TCF4: variants seen among roughly 807,000 people sequenced by gnomAD.
The protein encoded by TCF4 is SL3-3 enhancer factor 2.
A neutral mutation model predicts 82.1 loss-of-function variants in TCF4; 3 were observed. The ratio of observed to expected loss-of-function variants is 0.04; its 90% CI spans 0.02 to 0.09. The LOEUF is 0.09. Among genes scored for constraint, TCF4 ranks in the 10% least tolerant of loss-of-function variants. The pLI is 1.00. For synonymous variants in TCF4, 276 were observed against 309.6 expected (o/e 0.89, Z 1.14); for missense variants, 518 against 852.7 (o/e 0.61, Z 4.89).
At chr18:55,330,176 A>ATTTTT (rs3077897) in intron 8 of TCF4, among the ~76,000 whole-genome samples, 4 of 110,444 alleles carry the variant, frequency 3.6e-5, no homozygotes, top group East Asian at 2.7e-4. Flanking sequence ...GCAATGTTGG[A>ATTTTT]TTTTTTTTTT....
At chr18:55,364,685 G>A (rs184838136) in intron 6 of TCF4, among the ~76,000 whole-genome samples, 197 of 152,266 alleles carry the variant, frequency 1.3e-3, no homozygotes, top group Non-Finnish European at 2.5e-4. Context: ...CCAGGTGAAA[G>A]CTGCCAGGGG....
At chr18:55,491,291 C>T (rs2096573715) in intron 3 of TCF4, among the ~76,000 whole-genome samples, 1 of 152,052 alleles carries the variant, frequency 6.6e-6, no homozygotes, top group Non-Finnish European at 1.5e-5. Context: ...GCGGTGGTTC[C>T]ATTCACAATG....
intron 2 of TCF4, among the ~76,000 whole-genome samples, chr18:55,626,436 G>A (rs1263257401): frequency 1.3e-5 from 2 of 152,176 alleles, no homozygotes; most frequent in Non-Finnish European, 1.5e-5. Context: ...AGTAGTTAGA[G>A]CTGTTAAAAA....
chr18:55,468,888 C>CCT (rs2096102612), intron 3 of TCF4, among the ~76,000 whole-genome samples: 1 of 125,386 alleles, frequency 8.0e-6, no homozygotes, highest in South Asian at 2.6e-4. Context: ...CTCGCCCCCC[C>CCT]CCCCCTTGTT....
intron 5 of TCF4, among the ~76,000 whole-genome samples, chr18:55,443,450 T>C (rs2095476043): frequency 6.6e-6 from 1 of 152,214 alleles, no homozygotes. Context: ...GCACCTGTAT[T>C]GAGTAGCTGG....
intron 8 of TCF4, among the ~76,000 whole-genome samples, chr18:55,304,533 C>T (rs2069536248): frequency 2.0e-5 from 3 of 152,084 alleles, no homozygotes; most frequent in Admixed American, 1.3e-4. Context: ...AATCTACTTC[C>T]TAATTAAAAA....
chr18:55,399,925 C>CACACA (rs1379193667), intron 6 of TCF4, among the ~76,000 whole-genome samples: 29 of 126,750 alleles, frequency 2.3e-4, no homozygotes, highest in African/African-American at 8.4e-4. Context: ...CACACACACA[C>CACACA]AATACTAAAA....
chr18:55,516,728 T>C (rs947577606), intron 3 of TCF4, among the ~76,000 whole-genome samples: 1 of 152,060 alleles, frequency 6.6e-6, no homozygotes, highest in African/African-American at 2.4e-5. Flanking sequence ...GGATAACAAA[T>C]GTGAAGACCC....
chr18:55,302,362 G>T, intron 8 of TCF4: 1 of 1,474,624 alleles, frequency 6.8e-7, no homozygotes, highest in Non-Finnish European at 9.2e-7. Flanking sequence ...AGCCCAAGAG[G>T]TGTCAAGTCA....
At position 55,464,150 on chromosome 18, in the gene TCF4, G is replaced by A. The variant is rs747950582; in HGVS notation, c.146-13C>T. 1.4e-5 allele frequency: 22 copies of A among 1,613,608 alleles called. No homozygotes were observed. Among genetic ancestry groups the A allele is most frequent in the Non-Finnish European group, 1.7e-5 (20 of 1,179,714 alleles). On this transcript the variant is annotated splice_polypyrimidine_tract_variant and intron_variant, in intron 3 of 19. Transcript: ENST00000354452. The stretch of plus-strand genomic sequence containing the variant: ...CTGTCTTCTACATCTAGGGACAAGA[G>A]AAAAGTTCTTTAGGCTTTCTTGCAG...
At chr18:55,583,075 T>A (rs1249731885) in intron 3 of TCF4, among the ~76,000 whole-genome samples, 7 of 152,106 alleles carry the variant, frequency 4.6e-5, no homozygotes, top group Non-Finnish European at 8.8e-5. Flanking sequence ...AACACTCCAA[T>A]CTGTACCCTA....
chr18:55,306,632 A>C (rs1317775769), intron 8 of TCF4, among the ~76,000 whole-genome samples: 1 of 152,188 alleles, frequency 6.6e-6, no homozygotes, highest in African/African-American at 2.4e-5. Context: ...TTAAATGCCA[A>C]ATGTGGTCTA....
intron 6 of TCF4, among the ~76,000 whole-genome samples, chr18:55,360,909 T>C (rs923201144): frequency 6.6e-6 from 1 of 151,928 alleles, no homozygotes; most frequent in Non-Finnish European, 1.5e-5. Flanking sequence ...GTATTTTTAG[T>C]TGAGATAGGG....
At chr18:55,289,987 GAATA>G (rs1159224364) in intron 8 of TCF4, among the ~76,000 whole-genome samples, 2 of 152,072 alleles carry the variant, frequency 1.3e-5, no homozygotes, top group African/African-American at 4.8e-5. Context: ...ATGCATGAAT[GAATA>G]AACACACCAC....
At chr18:55,533,028 A>G (rs778589115) in intron 3 of TCF4, among the ~76,000 whole-genome samples, 1 of 152,182 alleles carries the variant, frequency 6.6e-6, no homozygotes, top group Non-Finnish European at 1.5e-5. Context: ...TCTGCTCCCC[A>G]TATGTTTCCA....
intron 8 of TCF4, among the ~76,000 whole-genome samples, chr18:55,348,939 T>C (rs2081770436): frequency 6.6e-6 from 1 of 152,296 alleles, no homozygotes; most frequent in South Asian, 2.1e-4. Flanking sequence ...GTTAGGACTG[T>C]ATCATTTGAA....
rs183827581 is a variant in TCF4, at chr18:55,526,743, T to G, written c.145+58537A>C. On this transcript the variant is annotated intron_variant, in intron 3 of 19. Transcript: ENST00000354452. ...CTGAGATGCTTTAAGGCTTTCAGAT[T>G]ATTTACCAACACCAGGCAAAGTCTA... Among the ~76,000 whole-genome samples the G allele has an allele frequency of 4.3e-4, 66 of 152,268 alleles. 2 individuals are homozygous for G. In the East Asian group the frequency reaches 0.012, roughly 28 times the overall value.
intron 3 of TCF4, among the ~76,000 whole-genome samples, chr18:55,558,685 C>T (rs1035246805): frequency 6.6e-6 from 1 of 152,070 alleles, no homozygotes; most frequent in Non-Finnish European, 1.5e-5. Flanking sequence ...AATTAAAAAT[C>T]AACTCATTAA....
At position 55,434,905 on chromosome 18, in the gene TCF4, A is replaced by G. The variant is rs549190788; in HGVS notation, c.304+26114T>C. On this transcript the variant is annotated intron_variant, in intron 5 of 19. Coordinates refer to ENST00000354452, the MANE Select transcript of TCF4 (RefSeq NM_001083962.2). The stretch of plus-strand genomic sequence containing the variant: ...TATATGGGTAAATGGAGTACCCATC[A>G]ACTCAAGCATTTATCCTTTATGTTA... Among the ~76,000 whole-genome samples the G allele has an allele frequency of 1.2e-4, 19 of 152,182 alleles. No homozygotes were observed. The South Asian group carries it at 2.3e-3, about 18-fold the overall frequency.
Sources: allele counts gnomAD v4.1 joint callset (sites outside exome capture counted in the v4.1 genomes callset), GRCh38; gene constraint gnomAD v4.1.1; transcripts MANE v1.5; gene names NCBI Gene and HGNC (gene_info 2026-07-23, HGNC 2026-07-21).